Variants in JAK2 observed in about 807,000 individuals in gnomAD.
JAK2 encodes Janus kinase 2, also known as tyrosine-protein kinase JAK2.
In JAK2, 86 loss-of-function variants were observed where a neutral mutation model predicts 139.3. The observed-to-expected ratio is 0.62, with a 90% CI of 0.52 to 0.74. The LOEUF (loss-of-function observed/expected upper bound fraction) is 0.74. Among genes scored for constraint, JAK2 ranks in the 30% least tolerant of loss-of-function variants. The pLI is 0.00. For missense variants in JAK2, 1,421 were observed against 1,360.3 expected, an observed-to-expected ratio of 1.04 and a Z score of -0.70; for synonymous variants, 490 against 437.7, an observed-to-expected ratio of 1.12 and a Z score of -1.49.
At chr9:5,026,469 C>T (rs912994317) in intron 3 of JAK2, among the ~76,000 whole-genome samples, 1 of 152,128 alleles carries the variant, frequency 6.6e-6, no homozygotes, top group Non-Finnish European at 1.5e-5. Flanking sequence ...GAATTTAAGT[C>T]TTTCTTGTCA....
At chr9:5,056,554 G>C (rs1284750980) in intron 8 of JAK2, among the ~76,000 whole-genome samples, 2 of 152,016 alleles carry the variant, frequency 1.3e-5, no homozygotes, top group Admixed American at 6.6e-5. Context: ...TCTGTTCTTA[G>C]ATAAAAATAT....
At chr9:5,106,382 A>G (rs1471331762) in intron 22 of JAK2, among the ~76,000 whole-genome samples, 3 of 152,214 alleles carry the variant, frequency 2.0e-5, no homozygotes, top group African/African-American at 7.2e-5. Context: ...GTGATCATTA[A>G]AAAGACAGGA....
rs1256779684 is a variant in JAK2, at chr9:5,127,934, T to C, written c.*1143T>C. 5 of 232,298 alleles carry C rather than the reference T, an allele frequency of 2.2e-5. No homozygotes were observed. Among genetic ancestry groups the C allele is most frequent in the South Asian group, 1.8e-4 (1 of 5,524 alleles). The allele number at this position is 232,298 out of a possible 1,614,324, so 14.4% of individuals were successfully genotyped here. A position where few individuals can be genotyped will look rare whatever the true frequency, so the allele number is the denominator to read the frequency against. On this transcript the variant is annotated 3_prime_UTR_variant, in exon 25 of 25. Transcript: ENST00000381652. ...TGTTAATTTTATTCAAGAATGCCAG[T>C]AGAAAATTCATAACGTGTATCTTTA...
chr9:5,058,425 A>C (rs1817921720), intron 8 of JAK2, among the ~76,000 whole-genome samples: 1 of 152,072 alleles, frequency 6.6e-6, no homozygotes, highest in South Asian at 2.1e-4. Context: ...ATCTCATGAG[A>C]ACTCCCTCAC....
At chr9:5,005,633 A>G (rs1821249344) in intron 2 of JAK2, among the ~76,000 whole-genome samples, 1 of 151,894 alleles carries the variant, frequency 6.6e-6, no homozygotes, top group African/African-American at 2.4e-5. Context: ...TTTCCTTTTC[A>G]TGTCCTTACA....
At chr9:5,026,961 T>G (rs1191448920) in intron 3 of JAK2, among the ~76,000 whole-genome samples, 5 of 152,244 alleles carry the variant, frequency 3.3e-5, no homozygotes, top group Non-Finnish European at 5.9e-5. Flanking sequence ...TGTGTAAAAC[T>G]TGACACATTG....
intron 2 of JAK2, among the ~76,000 whole-genome samples, chr9:4,994,654 A>G (rs903343334): frequency 6.6e-6 from 1 of 152,178 alleles, no homozygotes; most frequent in Non-Finnish European, 1.5e-5. Context: ...AAATGAACAG[A>G]CGTGGCTCAT....
chr9:5,055,656 C>T lies in JAK2; in HGVS notation c.937-13C>T. 4 of 1,533,872 alleles carry T rather than the reference C, an allele frequency of 2.6e-6. No homozygotes were observed. The highest frequency in any genetic ancestry group is 2.3e-5 in the East Asian group (1 of 44,152). On this transcript the variant is annotated splice_polypyrimidine_tract_variant and intron_variant, in intron 7 of 24. Coordinates refer to ENST00000381652, the MANE Select transcript of JAK2 (RefSeq NM_004972.4). ...TTCTACCCGTTTTTAATTTTACATG[C>T]TTTTAATTATAGGATTTACAGTTAT...
intron 22 of JAK2, chr9:5,109,900 G>T (rs980658721): frequency 2.0e-5 from 3 of 152,146 alleles, no homozygotes; most frequent in Non-Finnish European, 1.5e-5. Context: ...GGATGAGAAG[G>T]TATAGGAATC....
At chr9:4,996,477 T>A (rs925706607) in intron 2 of JAK2, among the ~76,000 whole-genome samples, 1 of 151,830 alleles carries the variant, frequency 6.6e-6, no homozygotes, top group South Asian at 2.1e-4. Context: ...TAAATAAAAA[T>A]AAATACATAA....
chr9:5,072,327 A>C (rs1184768034), intron 12 of JAK2, among the ~76,000 whole-genome samples, 165 bp from the exon 13 acceptor site: 2 of 152,212 alleles, frequency 1.3e-5, no homozygotes, highest in Non-Finnish European at 2.9e-5. Context: ...TATTTAAGGA[A>C]GCAGAATAAA....
chr9:5,082,652 T>C (rs895695568), intron 19 of JAK2, among the ~76,000 whole-genome samples: 4 of 152,168 alleles, frequency 2.6e-5, no homozygotes, highest in Non-Finnish European at 5.9e-5. Context: ...GACTATCACA[T>C]GGGGAGAAAC....
At chr9:5,089,918 T>C in intron 20 of JAK2, 55 bp downstream of exon 20, 2 of 1,231,548 alleles carry the variant, frequency 1.6e-6, no homozygotes, top group South Asian at 2.5e-5. Flanking sequence ...TGGCATCCTG[T>C]GTAATATAAA....
intron 8 of JAK2, among the ~76,000 whole-genome samples, chr9:5,056,996 A>C (rs1817812501): frequency 1.3e-5 from 2 of 152,222 alleles, no homozygotes; most frequent in African/African-American, 4.8e-5. Flanking sequence ...AAGCTCCTTA[A>C]AAATATTATA....
intron 22 of JAK2, 69 bp downstream of exon 22, chr9:5,090,980 A>G (rs1820528071): frequency 9.0e-7 from 1 of 1,110,998 alleles, no homozygotes; most frequent in South Asian, 1.6e-5. Context: ...TTGTTATTTA[A>G]TAGTTTGCCA....
At position 5,059,435 on chromosome 9, in the gene JAK2, C is replaced by T. The variant is rs182714949; in HGVS notation, c.1056+3647C>T. Among the ~76,000 whole-genome samples, 552 of 152,188 alleles carry T rather than the reference C, an allele frequency of 3.6e-3. 3 individuals carry two copies. Among genetic ancestry groups the T allele is most frequent in the African/African-American group, 0.013 (528 of 41,530 alleles). ...TGCTGGGTAGTATTGAATTGTTTGACTGTACCTCAAATTTTAAATGTATTC... is the reference window on the plus strand; with the variant it reads ...TGCTGGGTAGTATTGAATTGTTTGATTGTACCTCAAATTTTAAATGTATTC... On this transcript the variant is annotated intron_variant, in intron 8 of 24. Transcript: ENST00000381652.
At chr9:5,035,048 G>A (rs1039277946) in intron 4 of JAK2, among the ~76,000 whole-genome samples, 2 of 152,008 alleles carry the variant, frequency 1.3e-5, no homozygotes, top group African/African-American at 4.8e-5. Context: ...ATGATAAAGG[G>A]GATATCAACC....
intron 3 of JAK2, among the ~76,000 whole-genome samples, chr9:5,022,898 G>A (rs1186392476): frequency 1.3e-5 from 2 of 152,058 alleles, no homozygotes; most frequent in Non-Finnish European, 2.9e-5. Context: ...ATTTGTAGAG[G>A]CAAATTAAAT....
rs183294969 is a variant in JAK2 at position 4,996,134 on chromosome 9, G to T, written c.-26+10112G>T. On this transcript the variant is annotated intron_variant, in intron 2 of 24. Coordinates refer to ENST00000381652, the MANE Select transcript of JAK2 (RefSeq NM_004972.4). ...TTAATTGGCCAGGTTAGAGAAGACA[G>T]AATTACAGGGAAGTCTGGATTTTAC... Among the ~76,000 whole-genome samples the T allele has an allele frequency of 4.6e-3, 696 of 152,308 alleles. 5 individuals carry two copies. Among genetic ancestry groups the T allele is most frequent in the Non-Finnish European group, 7.0e-3 (474 of 68,028 alleles).
Sources: gnomAD v4.1 joint callset for allele counts (sites outside exome capture counted in the v4.1 genomes callset) on GRCh38, gnomAD v4.1.1 for gene constraint, MANE v1.5 for transcripts, NCBI Gene and HGNC (gene_info 2026-07-23, HGNC 2026-07-21) for gene names.